DNAH3: variants seen among roughly 807,000 people sequenced by gnomAD.
DNAH3 encodes axonemal beta dynein heavy chain 3.
A neutral mutation model predicts 432.5 loss-of-function variants in DNAH3; 332 were observed. That is an observed-to-expected ratio of 0.77 (90% CI 0.70 to 0.84). The LOEUF (loss-of-function observed/expected upper bound fraction) is 0.84, where lower values mean the gene tolerates loss of function less well. Among genes scored for constraint, DNAH3 ranks in the 40% least tolerant of loss-of-function variants. DNAH3 has a pLI of 0.00. For synonymous variants in DNAH3, 1,956 were observed against 1,900.2 expected (o/e 1.03, Z -0.76); for missense variants, 4,861 against 5,114.0 (o/e 0.95, Z 1.51).
At chr16:21,013,611 C>T (rs2087712341) in intron 41 of DNAH3, among the ~76,000 whole-genome samples, 1 of 147,114 alleles carries the variant, frequency 6.8e-6, no homozygotes, top group Non-Finnish European at 1.5e-5. Context: ...CCCAGCTACT[C>T]GGGAGGCTGA....
At chr16:21,067,761 G>GGGGGGGGGT (rs2090609851) in intron 23 of DNAH3, among the ~76,000 whole-genome samples, 3 of 87,754 alleles carry the variant, frequency 3.4e-5, no homozygotes, top group Admixed American at 2.4e-4. Context: ...CAGTCTTGGG[G>GGGGGGGGGT]GGGGGGGTGG....
At chr16:21,017,636 C>T (rs578008852) in intron 41 of DNAH3, among the ~76,000 whole-genome samples, 2 of 152,100 alleles carry the variant, frequency 1.3e-5, no homozygotes, top group Admixed American at 1.3e-4. Context: ...TTGTTGTCAG[C>T]GCCTCCTGAG....
intron 18 of DNAH3, among the ~76,000 whole-genome samples, chr16:21,087,268 CAG>C (rs2091408671): frequency 6.6e-6 from 1 of 152,212 alleles, no homozygotes; most frequent in African/African-American, 2.4e-5. Flanking sequence ...TCCTGTGACA[CAG>C]GGGTAATAAT....
chr16:21,131,245 G>C (rs11860686), intron 7 of DNAH3, among the ~76,000 whole-genome samples: 199 of 152,174 alleles, frequency 1.3e-3, no homozygotes, highest in African/African-American at 4.3e-3. Flanking sequence ...GCTGAGGAGA[G>C]AGCCCAGGAG....
At chr16:21,087,587 G>A (rs1266785851) in intron 18 of DNAH3, among the ~76,000 whole-genome samples, 2 of 152,078 alleles carry the variant, frequency 1.3e-5, no homozygotes, top group East Asian at 1.9e-4. Flanking sequence ...TGCTATAGTA[G>A]TAATTAAAAG....
intron 14 of DNAH3, among the ~76,000 whole-genome samples, chr16:21,107,308 T>C (rs1048689118): frequency 1.5e-4 from 22 of 146,406 alleles, no homozygotes; most frequent in Non-Finnish European, 2.4e-4. Context: ...AGTGGTGTGA[T>C]AGCTCACTGC....
intron 31 of DNAH3, among the ~76,000 whole-genome samples, chr16:21,043,890 T>C (rs2089570644): frequency 7.7e-6 from 1 of 130,154 alleles, no homozygotes; most frequent in Admixed American, 8.4e-5. Context: ...TTTCTACATA[T>C]GGCTAGCCAG....
At position 21,042,552 on chromosome 16, in the gene DNAH3, C is replaced by T. The variant is rs369056197; in HGVS notation, c.4462-349G>A. 5.4e-4 allele frequency among the ~76,000 whole-genome samples: 82 copies of T among 152,156 alleles called. 2 individuals are homozygous for T. The highest frequency in any genetic ancestry group is 1.9e-3 in the African/African-American group (77 of 41,500). Reference sequence around the variant, plus strand: ...TATTCATCATCCAAAGAGAATTATACACTCTTTTGTGATGCATCTTTTGTA... The same window carrying T: ...TATTCATCATCCAAAGAGAATTATATACTCTTTTGTGATGCATCTTTTGTA... On this transcript the variant is annotated intron_variant, in intron 31 of 61. Transcript: ENST00000261383.
chr16:21,073,221 G>A (rs1030954707), intron 21 of DNAH3, among the ~76,000 whole-genome samples: 9 of 152,128 alleles, frequency 5.9e-5, no homozygotes, highest in African/African-American at 2.2e-4. Context: ...AGCATTGGGA[G>A]GTATGTTGGG....
intron 60 of DNAH3, among the ~76,000 whole-genome samples, chr16:20,936,176 G>A (rs949344694): frequency 3.3e-5 from 5 of 150,932 alleles, no homozygotes; most frequent in Admixed American, 6.6e-5. Flanking sequence ...CTTTTTAGAC[G>A]GAGTCTTGCT....
intron 1 of DNAH3, chr16:21,150,474 A>C (rs973809455): frequency 2.8e-6 from 1 of 358,154 alleles, no homozygotes; most frequent in African/African-American, 2.1e-5. Flanking sequence ...AGATGTTCTG[A>C]AAGCTCTGTT....
intron 44 of DNAH3, among the ~76,000 whole-genome samples, chr16:20,989,600 G>A (rs1454407494): frequency 6.6e-6 from 1 of 152,272 alleles, no homozygotes; most frequent in East Asian, 1.9e-4. Context: ...CCCGCACCGG[G>A]GCTGCAGGTG....
intron 51 of DNAH3, among the ~76,000 whole-genome samples, chr16:20,972,886 G>A (rs993021371): frequency 2.7e-5 from 4 of 150,888 alleles, no homozygotes; most frequent in Admixed American, 6.6e-5. Context: ...CCACCACCAC[G>A]CCCGGCTAAT....
intron 7 of DNAH3, chr16:21,130,107 A>AAC (rs952661076): frequency 9.2e-5 from 14 of 151,408 alleles, no homozygotes; most frequent in Non-Finnish European, 1.5e-4. Flanking sequence ...AAAAAAAAAA[A>AAC]AACAAATGAA....
chr16:20,985,044 C>A lies in DNAH3; in HGVS notation c.7665+33G>T. ...CAAGGGCAAATGGAGTTTTCTTCTT[C>A]TTACCGAGGACAATGTGAAGGTTCT... is the stretch of plus-strand genomic sequence containing the variant. On this transcript the variant is annotated intron_variant, in intron 48 of 61. Transcript: ENST00000261383. 1 of 1,585,974 alleles carries A rather than the reference C, an allele frequency of 6.3e-7. No individual in the cohort carries two copies.
chr16:20,990,145 C>A (rs2086483174), intron 44 of DNAH3, among the ~76,000 whole-genome samples: 1 of 152,240 alleles, frequency 6.6e-6, no homozygotes, highest in Non-Finnish European at 1.5e-5. Flanking sequence ...GGAGCCCAGG[C>A]AGAGGAGGCG....
chr16:20,933,506 A>C, exon 62 of DNAH3: 1 of 1,571,486 alleles, frequency 6.4e-7, no homozygotes, highest in Non-Finnish European at 8.6e-7. Context: ...TTGTGGGGTT[A>C]CCTGGAAGAA....
intron 21 of DNAH3, among the ~76,000 whole-genome samples, chr16:21,071,699 G>A (rs947728552): frequency 6.6e-6 from 1 of 152,006 alleles, no homozygotes; most frequent in Non-Finnish European, 1.5e-5. Context: ...ACCAGCCTAG[G>A]CAACATAGCA....
rs559129298 is a variant in DNAH3, at chr16:21,154,431, G to A, written c.117+4894C>T. ...AAAAAAAAAAAATTAGAATGGTCCT[G>A]ATGTGGAGCTAATGGACCCTATGGC... On this transcript the variant is annotated intron_variant, in intron 1 of 61. Transcript: ENST00000261383. Among the ~76,000 whole-genome samples, 7 of 152,098 alleles carry A rather than the reference G, an allele frequency of 4.6e-5. No individual in the cohort carries two copies. The East Asian group carries it at 1.2e-3, about 25-fold the overall frequency.
Sources: gnomAD v4.1 joint callset for allele counts (sites outside exome capture counted in the v4.1 genomes callset) on GRCh38, gnomAD v4.1.1 for gene constraint, MANE v1.5 for transcripts, NCBI Gene and HGNC (gene_info 2026-07-23, HGNC 2026-07-21) for gene names.